Variants in DPP10 observed in about 807,000 individuals in gnomAD.
DPP10 encodes the protein dipeptidyl peptidase like 10.
A neutral mutation model predicts 120.9 loss-of-function variants in DPP10; 33 were observed. The ratio of observed to expected loss-of-function variants is 0.27; its 90% CI spans 0.21 to 0.37. The LOEUF (loss-of-function observed/expected upper bound fraction) is 0.37. Among genes scored for constraint, DPP10 ranks in the 10% least tolerant of loss-of-function variants. DPP10 has a pLI of 1.00. For missense variants in DPP10, 816 were observed against 942.8 expected, an observed-to-expected ratio of 0.87 and a Z score of 1.76; for synonymous variants, 337 against 326.1, an observed-to-expected ratio of 1.03 and a Z score of -0.36.
chr2:115,553,339 A>G (rs1204230905), intron 5 of DPP10, among the ~76,000 whole-genome samples: 1 of 151,658 alleles, frequency 6.6e-6, no homozygotes, highest in Non-Finnish European at 1.5e-5. Flanking sequence ...GCTCATCTAA[A>G]TAATATGAAG....
At chr2:114,878,692 T>TATG (rs898556447) in intron 1 of DPP10, among the ~76,000 whole-genome samples, 1 of 152,060 alleles carries the variant, frequency 6.6e-6, no homozygotes, top group Non-Finnish European at 1.5e-5. Flanking sequence ...TATCCATCCT[T>TATG]ATGTGCCTGG....
At chr2:114,733,477 C>T (rs959444119) in intron 1 of DPP10, among the ~76,000 whole-genome samples, 4 of 152,130 alleles carry the variant, frequency 2.6e-5, no homozygotes, top group Non-Finnish European at 4.4e-5. Flanking sequence ...AAAACAGGAC[C>T]TCTTTATTTC....
At chr2:114,548,137 A>G (rs547196982) in intron 1 of DPP10, among the ~76,000 whole-genome samples, 1 of 152,280 alleles carries the variant, frequency 6.6e-6, no homozygotes, top group African/African-American at 2.4e-5. Flanking sequence ...ATTACATAAG[A>G]TGAAATAAGT....
At chr2:114,609,632 T>C (rs987717658) in intron 1 of DPP10, among the ~76,000 whole-genome samples, 1 of 152,160 alleles carries the variant, frequency 6.6e-6, no homozygotes, top group African/African-American at 2.4e-5. Flanking sequence ...GTAAGTTGTC[T>C]AAAGTTGAAA....
intron 3 of DPP10, among the ~76,000 whole-genome samples, chr2:115,484,319 G>A (rs1255465493): frequency 6.6e-6 from 1 of 151,852 alleles, no homozygotes. Context: ...CACTCATTGT[G>A]TAATAGATCT....
At chr2:115,797,750 A>G (rs568158717) in intron 19 of DPP10, among the ~76,000 whole-genome samples, 2 of 152,010 alleles carry the variant, frequency 1.3e-5, no homozygotes, top group South Asian at 4.1e-4. Flanking sequence ...TTCTTTCACA[A>G]TTTGTAGATA....
At chr2:115,276,770 C>T (rs2059937570) in intron 1 of DPP10, among the ~76,000 whole-genome samples, 2 of 152,172 alleles carry the variant, frequency 1.3e-5, no homozygotes, top group Admixed American at 1.3e-4. Flanking sequence ...ACACATTTAT[C>T]ATATTCCTTT....
chr2:114,751,621 A>C (rs1679230912), intron 1 of DPP10, among the ~76,000 whole-genome samples: 1 of 152,234 alleles, frequency 6.6e-6, no homozygotes, highest in South Asian at 2.1e-4. Flanking sequence ...GTACCTAAGC[A>C]CAATGGCGTT....
chr2:115,175,147 C>T (rs2105092295), intron 1 of DPP10, among the ~76,000 whole-genome samples: 1 of 152,262 alleles, frequency 6.6e-6, no homozygotes, highest in South Asian at 2.1e-4. Context: ...TGATTTAAGG[C>T]ATATCATAAA....
chr2:114,646,159 C>CAAAT (rs3029136), intron 1 of DPP10, among the ~76,000 whole-genome samples: 18,840 of 140,678 alleles, frequency 0.13, 1,353 homozygotes, highest in Middle Eastern at 0.18. Context: ...GCCTCAGTCT[C>CAAAT]AAATAAATAA....
intron 1 of DPP10, among the ~76,000 whole-genome samples, chr2:114,460,242 G>C (rs929603797): frequency 1.3e-5 from 2 of 151,650 alleles, no homozygotes; most frequent in African/African-American, 4.8e-5. Flanking sequence ...GCATATGTTT[G>C]TGTTCAAATG....
intron 1 of DPP10, among the ~76,000 whole-genome samples, chr2:114,655,765 T>C (rs1696922485): frequency 6.6e-6 from 1 of 152,158 alleles, no homozygotes; most frequent in Non-Finnish European, 1.5e-5. Flanking sequence ...GACCTCCATA[T>C]AATCTAATTA....
At chr2:114,562,673 A>T (rs1223620416) in intron 1 of DPP10, among the ~76,000 whole-genome samples, 1 of 152,236 alleles carries the variant, frequency 6.6e-6, no homozygotes, top group Non-Finnish European at 1.5e-5. Flanking sequence ...TGCATTGTGA[A>T]TTGGAGCTTA....
At chr2:115,268,426 A>G (rs11123292) in intron 1 of DPP10, among the ~76,000 whole-genome samples, 62,002 of 152,152 alleles carry the variant, frequency 0.41, 15,395 homozygotes, top group Non-Finnish European at 0.56. Flanking sequence ...CTTCAGAGTT[A>G]TGACATAACC....
chr2:114,787,393 G>A (rs563170342), intron 1 of DPP10, among the ~76,000 whole-genome samples: 1 of 152,200 alleles, frequency 6.6e-6, no homozygotes, highest in African/African-American at 2.4e-5. Context: ...CCCTGGTTGG[G>A]AAACTCATTT....
intron 1 of DPP10, among the ~76,000 whole-genome samples, chr2:114,728,906 A>G (rs1375859922): frequency 6.6e-6 from 1 of 152,226 alleles, no homozygotes; most frequent in Non-Finnish European, 1.5e-5. Flanking sequence ...TCTCTGCACT[A>G]GAGTTTGGAG....
intron 3 of DPP10, among the ~76,000 whole-genome samples, chr2:115,444,174 A>C (rs2072348657): frequency 6.6e-6 from 1 of 152,148 alleles, no homozygotes; most frequent in Non-Finnish European, 1.5e-5. Context: ...CCAAGACCAG[A>C]GATGGTCCAA....
At chr2:114,503,426 CT>C (rs1683372005) in intron 1 of DPP10, among the ~76,000 whole-genome samples, 1 of 152,068 alleles carries the variant, frequency 6.6e-6, no homozygotes, top group Admixed American at 6.5e-5. Flanking sequence ...TATGTCATTT[CT>C]TTTAAAAGGT....
At chr2:115,381,460 T>G (rs2066348696) in intron 3 of DPP10, among the ~76,000 whole-genome samples, 1 of 152,176 alleles carries the variant, frequency 6.6e-6, no homozygotes, top group South Asian at 2.1e-4. Context: ...TCTTCTAAAT[T>G]TTTTTCAAAG....
Sources: allele counts gnomAD v4.1 joint callset (sites outside exome capture counted in the v4.1 genomes callset), GRCh38; gene constraint gnomAD v4.1.1; transcripts MANE v1.5; gene names NCBI Gene and HGNC (gene_info 2026-07-23, HGNC 2026-07-21).